The following EXOC6 variants were observed in gnomAD, a reference collection of about 807,000 sequenced individuals.
EXOC6 encodes exocyst complex component 6.
Under a neutral mutation model 112.5 loss-of-function variants are expected in EXOC6, and 60 were observed. That is an observed-to-expected ratio of 0.53 (90% CI 0.43 to 0.66). The LOEUF is 0.66. Among genes scored for constraint, EXOC6 ranks in the 30% least tolerant of loss-of-function variants. EXOC6 has a pLI of 0.00. For synonymous variants in EXOC6, 295 were observed against 308.0 expected, an observed-to-expected ratio of 0.96 and a Z score of 0.44; for missense variants, 855 against 957.1, an observed-to-expected ratio of 0.89 and a Z score of 1.41.
At chr10:93,002,708 T>C (rs1843810784) in intron 19 of EXOC6, among the ~76,000 whole-genome samples, 1 of 152,204 alleles carries the variant, frequency 6.6e-6, no homozygotes, top group Non-Finnish European at 1.5e-5. Flanking sequence ...GGCATCTTGC[T>C]CCATGTTATG....
At chr10:92,880,396 G>T (rs1327421083) in intron 1 of EXOC6, among the ~76,000 whole-genome samples, 3 of 151,654 alleles carry the variant, frequency 2.0e-5, no homozygotes, top group African/African-American at 7.2e-5. Flanking sequence ...TGAATCCAGG[G>T]ATACGGAACC....
intron 5 of EXOC6, among the ~76,000 whole-genome samples, chr10:92,906,438 G>A (rs999382498): frequency 6.6e-6 from 1 of 152,172 alleles, no homozygotes; most frequent in African/African-American, 2.4e-5. Context: ...GGCAAATGAA[G>A]TAAGAACAGT....
At chr10:92,959,931 C>T in intron 17 of EXOC6, among the ~76,000 whole-genome samples, 1 of 152,324 alleles carries the variant, frequency 6.6e-6, no homozygotes, top group Admixed American at 6.5e-5. Flanking sequence ...ATGCTACAGC[C>T]TCCTTGGAAG....
At chr10:92,924,028 A>T (rs942491238) in intron 8 of EXOC6, among the ~76,000 whole-genome samples, 2 of 152,150 alleles carry the variant, frequency 1.3e-5, no homozygotes, top group African/African-American at 4.8e-5. Context: ...TCATATTAGG[A>T]ACAGTATATT....
chr10:92,918,727 A>G (rs899068640), intron 7 of EXOC6, among the ~76,000 whole-genome samples: 11 of 152,102 alleles, frequency 7.2e-5, no homozygotes, highest in Admixed American at 5.2e-4. Context: ...CCCAGCCACT[A>G]TGTACATTTC....
At chr10:92,933,250 G>GT (rs1852152944) in intron 9 of EXOC6, among the ~76,000 whole-genome samples, 1 of 152,064 alleles carries the variant, frequency 6.6e-6, no homozygotes, top group Non-Finnish European at 1.5e-5. Context: ...TTTAAAATAT[G>GT]TGTCAGTATC....
chr10:92,831,597 C>A (rs541145185), upstream of EXOC6, among the ~76,000 whole-genome samples: 34 of 152,102 alleles, frequency 2.2e-4, no homozygotes, highest in Admixed American at 1.0e-3. Flanking sequence ...CCATGCCTGG[C>A]TAATTTTTTG....
At chr10:92,969,382 C>G (rs1842194150) in intron 17 of EXOC6, among the ~76,000 whole-genome samples, 1 of 152,124 alleles carries the variant, frequency 6.6e-6, no homozygotes, top group Non-Finnish European at 1.5e-5. Flanking sequence ...CAAGTCTTTT[C>G]CAGCTGAGGT....
intron 17 of EXOC6, among the ~76,000 whole-genome samples, chr10:92,959,411 T>C (rs1853866054): frequency 1.3e-5 from 2 of 152,148 alleles, no homozygotes; most frequent in Non-Finnish European, 2.9e-5. Context: ...GAAGATAACA[T>C]AGGAGAAAAT....
At chr10:93,044,352 A>G (rs1365077618) in intron 20 of EXOC6, among the ~76,000 whole-genome samples, 1 of 152,252 alleles carries the variant, frequency 6.6e-6, no homozygotes, top group Non-Finnish European at 1.5e-5. Flanking sequence ...CTAAATGCAC[A>G]TCTTTTTTAA....
chr10:92,851,522 C>T (rs940764276), intron 1 of EXOC6, among the ~76,000 whole-genome samples: 1 of 151,944 alleles, frequency 6.6e-6, no homozygotes. Context: ...TGGTAGCACA[C>T]GCTTGTAATC....
At chr10:92,952,469 C>A in intron 15 of EXOC6, 87 bp downstream of exon 15, 1 of 844,896 alleles carries the variant, frequency 1.2e-6, no homozygotes, top group South Asian at 1.5e-5. Flanking sequence ...TTTTTTTCCT[C>A]AACTTTTATT....
intron 1 of EXOC6, among the ~76,000 whole-genome samples, chr10:92,829,378 G>A (rs746550875): frequency 8.5e-5 from 13 of 152,218 alleles, no homozygotes; most frequent in Non-Finnish European, 1.9e-4. Flanking sequence ...TCTCAGGAGA[G>A]GAAGCTGTTC....
chr10:92,921,245 CT>C (rs11443044), intron 8 of EXOC6, among the ~76,000 whole-genome samples: 62 of 115,754 alleles, frequency 5.4e-4, no homozygotes, highest in Middle Eastern at 0.011. Flanking sequence ...TTGTCATTTC[CT>C]TTTTTTTTTT....
At chr10:92,862,631 A>C (rs79873247) in intron 1 of EXOC6, among the ~76,000 whole-genome samples, 13,787 of 152,202 alleles carry the variant, frequency 0.091, 798 homozygotes, top group Admixed American at 0.17. Flanking sequence ...TACCCAGTCT[A>C]CAGTATTTAG....
chr10:92,856,433 CTTA>C (rs1322463917), intron 1 of EXOC6, among the ~76,000 whole-genome samples: 1 of 151,760 alleles, frequency 6.6e-6, no homozygotes, highest in African/African-American at 2.4e-5. Context: ...TTTAGTTTTC[CTTA>C]TTATTTCCTC....
rs559828840 is a variant in EXOC6, at chr10:92,955,782, C to T, written c.1773+68C>T. On this transcript the variant is annotated intron_variant, in intron 17 of 21. Coordinates refer to ENST00000260762, the MANE Select transcript of EXOC6 (RefSeq NM_019053.6). ...AAGCAGACGTTAAGAAATTAAAGAC[C>T]GTTCTTATATATGCAAGATCTACTA... 2.6e-5 allele frequency: 36 copies of T among 1,409,348 alleles called. No homozygotes were observed. In the South Asian group the frequency reaches 3.0e-4, roughly 12 times the overall value. 87.3% of individuals were successfully genotyped at this position (1,409,348 alleles called of 1,614,324 possible).
chr10:92,948,576 T>TA (rs1564854127), intron 14 of EXOC6, among the ~76,000 whole-genome samples, 197 bp downstream of exon 14: 1 of 137,634 alleles, frequency 7.3e-6, no homozygotes, highest in African/African-American at 3.1e-5. Context: ...CTACTACCAC[T>TA]ACTACTACTA....
At chr10:92,929,863 T>C (rs1380938476) in intron 9 of EXOC6, among the ~76,000 whole-genome samples, 1 of 152,168 alleles carries the variant, frequency 6.6e-6, no homozygotes, top group Non-Finnish European at 1.5e-5. Flanking sequence ...ATATATCTAA[T>C]TGGAGTTTCA....
Sources: gnomAD v4.1 joint callset for allele counts (sites outside exome capture counted in the v4.1 genomes callset) on GRCh38, gnomAD v4.1.1 for gene constraint, MANE v1.5 for transcripts, NCBI Gene and HGNC (gene_info 2026-07-23, HGNC 2026-07-21) for gene names.